The following MSRB3 variants were observed in gnomAD, a reference collection of about 807,000 sequenced individuals.
MSRB3 encodes the protein methionine sulfoxide reductase B3, also known as methionine-R-sulfoxide reductase B3.
In MSRB3, 13 loss-of-function variants were observed where a neutral mutation model predicts 21.0. That is an observed-to-expected ratio of 0.62 (90% CI 0.40 to 0.98). The LOEUF (loss-of-function observed/expected upper bound fraction) is 0.98. Among genes scored for constraint, MSRB3 ranks in the 50% least tolerant of loss-of-function variants. MSRB3 has a pLI of 0.00. For synonymous variants in MSRB3, 87 were observed against 88.6 expected, an observed-to-expected ratio of 0.98 and a Z score of 0.10; for missense variants, 199 against 230.3, an observed-to-expected ratio of 0.86 and a Z score of 0.88.
intron 1 of MSRB3, chr12:65,284,227 A>G (rs1487493576): frequency 6.6e-6 from 1 of 152,244 alleles, no homozygotes; most frequent in Non-Finnish European, 1.5e-5. Context: ...TGTCATAATC[A>G]GAGGTGAATT....
At chr12:65,419,826 C>A in intron 5 of MSRB3, 1 of 798,114 alleles carries the variant, frequency 1.3e-6, no homozygotes. Flanking sequence ...AGCCATCCCT[C>A]CGGCCAGGCC....
At chr12:65,441,613 G>T (rs1882384624) in intron 5 of MSRB3, among the ~76,000 whole-genome samples, 2 of 151,836 alleles carry the variant, frequency 1.3e-5, no homozygotes, top group African/African-American at 4.8e-5. Flanking sequence ...TCCCTTCCTG[G>T]AGCTTACATT....
intron 4 of MSRB3, among the ~76,000 whole-genome samples, chr12:65,341,161 G>A (rs1168734082): frequency 6.6e-6 from 1 of 152,010 alleles, no homozygotes; most frequent in Non-Finnish European, 1.5e-5. Context: ...CAACCTAAGT[G>A]TCCATCACAG....
chr12:65,454,223 G>A, intron 6 of MSRB3: 1 of 408,778 alleles, frequency 2.4e-6, no homozygotes, highest in East Asian at 5.0e-5. Context: ...AGGAGGTCGA[G>A]GCTGCAGTGA....
At chr12:65,382,963 T>G (rs1418044519) in intron 5 of MSRB3, among the ~76,000 whole-genome samples, 1 of 152,092 alleles carries the variant, frequency 6.6e-6, no homozygotes, top group Non-Finnish European at 1.5e-5. Flanking sequence ...TGATGAAATA[T>G]GATTTTTTTC....
chr12:65,409,947 C>T (rs1349703244), intron 5 of MSRB3, among the ~76,000 whole-genome samples: 1 of 152,066 alleles, frequency 6.6e-6, no homozygotes. Context: ...AAAATTTGTG[C>T]TGATTTAACT....
chr12:65,456,471 A>G (rs1030831149), intron 6 of MSRB3, among the ~76,000 whole-genome samples: 4 of 152,220 alleles, frequency 2.6e-5, no homozygotes, highest in South Asian at 2.1e-4. Context: ...TACAGTGACC[A>G]AAGAGAAATG....
intron 4 of MSRB3, among the ~76,000 whole-genome samples, chr12:65,359,506 G>A (rs1877584703): frequency 6.6e-6 from 1 of 152,034 alleles, no homozygotes; most frequent in African/African-American, 2.4e-5. Context: ...ATCCCCCAGA[G>A]AACACATGGC....
intron 2 of MSRB3, among the ~76,000 whole-genome samples, chr12:65,310,996 A>G (rs749377258): frequency 6.6e-6 from 1 of 152,214 alleles, no homozygotes; most frequent in Admixed American, 6.5e-5. Context: ...TGTCTTCACT[A>G]TGTTCAATAT....
chr12:65,319,201 A>G (rs1360462009), intron 2 of MSRB3, among the ~76,000 whole-genome samples: 1 of 151,854 alleles, frequency 6.6e-6, no homozygotes, highest in Non-Finnish European at 1.5e-5. Flanking sequence ...CAGTTCCCCA[A>G]TTTCTCCCTT....
chr12:65,278,895 C>T (rs1485006436), intron 1 of MSRB3, 30 bp downstream of exon 1: 26 of 1,548,330 alleles, frequency 1.7e-5, no homozygotes, highest in Non-Finnish European at 2.2e-5. Flanking sequence ...CCCTCTCCTC[C>T]TCGCCTCACC....
chr12:65,409,530 A>G (rs1319466084), intron 5 of MSRB3, among the ~76,000 whole-genome samples: 1 of 152,136 alleles, frequency 6.6e-6, no homozygotes, highest in Non-Finnish European at 1.5e-5. Flanking sequence ...CCACTGTTGT[A>G]TATGTGGTTC....
chr12:65,323,705 T>A (rs747593912), intron 2 of MSRB3, among the ~76,000 whole-genome samples: 22 of 152,218 alleles, frequency 1.4e-4, no homozygotes, highest in Non-Finnish European at 2.2e-4. Flanking sequence ...AATGAAATGA[T>A]TTTTTCAAGA....
intron 5 of MSRB3, among the ~76,000 whole-genome samples, chr12:65,377,098 C>T (rs1456806696): frequency 6.6e-6 from 1 of 152,144 alleles, no homozygotes; most frequent in Non-Finnish European, 1.5e-5. Context: ...ATTACTATAT[C>T]AATTAAATGT....
At chr12:65,320,043 TGTTGCCTTGGC>T (rs1459018188) in intron 2 of MSRB3, among the ~76,000 whole-genome samples, 6 of 152,220 alleles carry the variant, frequency 3.9e-5, no homozygotes, top group Admixed American at 6.5e-5. Context: ...TACAATGGTA[TGTTGCCTTGGC>T]ATGCTTATAA....
At chr12:65,296,354 T>G (rs1309104151) in intron 1 of MSRB3, among the ~76,000 whole-genome samples, 1 of 152,214 alleles carries the variant, frequency 6.6e-6, no homozygotes, top group Non-Finnish European at 1.5e-5. Flanking sequence ...TCTTTTAAAC[T>G]TCGTCTTACT....
chr12:65,347,991 A>G (rs1339896721), intron 4 of MSRB3, among the ~76,000 whole-genome samples: 2 of 152,052 alleles, frequency 1.3e-5, no homozygotes, highest in East Asian at 1.9e-4. Context: ...ATTTGCCAGT[A>G]TTTTACTGAG....
chr12:65,281,803 T>C (rs1445711914), intron 1 of MSRB3: 2 of 152,190 alleles, frequency 1.3e-5, no homozygotes, highest in African/African-American at 4.8e-5. Flanking sequence ...CCAGATGAAA[T>C]AGCCTATAAT....
chr12:65,350,936 T>A (rs1218798415), intron 4 of MSRB3, among the ~76,000 whole-genome samples: 1 of 147,820 alleles, frequency 6.8e-6, no homozygotes, highest in Admixed American at 6.7e-5. Context: ...ACCCAGGAAT[T>A]GAACTCAGCT....
Sources: gnomAD v4.1 joint callset for allele counts (sites outside exome capture counted in the v4.1 genomes callset) on GRCh38, gnomAD v4.1.1 for gene constraint, MANE v1.5 for transcripts, NCBI Gene and HGNC (gene_info 2026-07-23, HGNC 2026-07-21) for gene names.